The following STON2 variants were observed in gnomAD, a reference collection of about 807,000 sequenced individuals.
STON2 encodes stonin-2.
STON2 carries 29 observed loss-of-function variants against 65.7 expected under a neutral mutation model. The observed-to-expected ratio is 0.44, with a 90% CI of 0.33 to 0.60. The LOEUF (loss-of-function observed/expected upper bound fraction) is 0.60. STON2 is among the 20% of genes least tolerant of loss of function. The pLI, the probability that STON2 is intolerant of heterozygous loss-of-function variation, is 0.03. For missense variants in STON2, 1,054 were observed against 1,118.1 expected (o/e 0.94, Z 0.82); for synonymous variants, 404 against 414.2 (o/e 0.98, Z 0.30).
chr14:81,378,902 G>C (rs1899382690), intron 3 of STON2, among the ~76,000 whole-genome samples: 1 of 152,002 alleles, frequency 6.6e-6, no homozygotes, highest in South Asian at 2.1e-4. Context: ...GTAATTTTTA[G>C]CAAATTAGAA....
intron 4 of STON2, among the ~76,000 whole-genome samples, chr14:81,344,165 A>T (rs1250986479): frequency 6.6e-6 from 1 of 152,214 alleles, no homozygotes; most frequent in African/African-American, 2.4e-5. Context: ...AAAGAAATTT[A>T]AAAATAGTCC....
At chr14:81,321,524 G>A (rs925192222) in intron 5 of STON2, among the ~76,000 whole-genome samples, 2 of 152,154 alleles carry the variant, frequency 1.3e-5, no homozygotes, top group Non-Finnish European at 2.9e-5. Flanking sequence ...GCTATCTCAA[G>A]TCCACAGTTA....
chr14:81,262,375 G>C lies in STON2; in HGVS notation c.*6039C>G, dbSNP rs1323632384. The stretch of plus-strand genomic sequence containing the variant: ...TGGCTGCTAACACAGCACCTGACCA[G>C]AGTAGACATTTGATAAATATTTGTT... On this transcript the variant is annotated 3_prime_UTR_variant, in exon 8 of 8. Transcript: ENST00000614646. 1 of 985,338 alleles carries C rather than the reference G, an allele frequency of 1.0e-6. No homozygotes were observed. The highest frequency in any genetic ancestry group is 1.2e-6 in the Non-Finnish European group (1 of 829,828). The allele number at this position is 985,338 out of a possible 1,614,324, so 61.0% of individuals were successfully genotyped here.
At chr14:81,398,701 C>T (rs1295648023) in intron 1 of STON2, 121 bp from the exon 2 acceptor site, 2 of 226,924 alleles carry the variant, frequency 8.8e-6, no homozygotes, top group African/African-American at 2.3e-5. Context: ...TTCCAACTTG[C>T]CTTACTTCAC....
At chr14:81,307,914 TG>T (rs1566900658) in intron 5 of STON2, among the ~76,000 whole-genome samples, 1 of 152,192 alleles carries the variant, frequency 6.6e-6, no homozygotes, top group South Asian at 2.1e-4. Flanking sequence ...GTTATGTTTT[TG>T]GGGAGTCAAG....
At chr14:81,301,146 A>G (rs1265586326) in intron 5 of STON2, among the ~76,000 whole-genome samples, 3 of 152,206 alleles carry the variant, frequency 2.0e-5, no homozygotes, top group Non-Finnish European at 4.4e-5. Flanking sequence ...AGATATTTTT[A>G]TCCTTCAGCT....
chr14:81,407,686 C>A (rs1005491402), intron 2 of STON2, among the ~76,000 whole-genome samples: 3 of 152,172 alleles, frequency 2.0e-5, no homozygotes, highest in African/African-American at 7.2e-5. Flanking sequence ...CCTCAGTTTT[C>A]TCTTGAATAA....
chr14:81,338,830 G>A (rs572934879), intron 4 of STON2, among the ~76,000 whole-genome samples: 1 of 152,322 alleles, frequency 6.6e-6, no homozygotes, highest in African/African-American at 2.4e-5. Context: ...GAGAGTAAGA[G>A]CGAGAGAAAC....
chr14:81,379,392 G>A (rs1459898445), intron 3 of STON2, among the ~76,000 whole-genome samples: 2 of 152,052 alleles, frequency 1.3e-5, no homozygotes, highest in East Asian at 3.8e-4. Flanking sequence ...AATAAATGGA[G>A]AAAGATATAT....
intron 3 of STON2, among the ~76,000 whole-genome samples, chr14:81,372,306 G>A (rs1186639837): frequency 1.3e-5 from 2 of 151,988 alleles, no homozygotes; most frequent in African/African-American, 2.4e-5. Context: ...GTAATCCCAG[G>A]ACTTTGGAAA....
Position 81,270,399 on chromosome 14 carries a change from T to C in STON2, c.2784+271A>G. 2.9e-6 allele frequency: 4 copies of C among 1,393,836 alleles called. No homozygotes were observed. The South Asian group carries it at 6.9e-5, about 24-fold the overall frequency. The allele number at this position is 1,393,836 out of a possible 1,614,324, so 86.3% of individuals were successfully genotyped here. ...TGTGCCTGGCCCCCATTATTCTTTT[T>C]GTTGTCATTGCTCATAATGACAGAA... On this transcript the variant is annotated intron_variant, in intron 7 of 7. Transcript: ENST00000614646.
intron 4 of STON2, chr14:81,333,405 G>T: frequency 5.1e-6 from 2 of 395,540 alleles, no homozygotes; most frequent in Admixed American, 3.8e-5. Context: ...TATTCTAAGA[G>T]CTTTAAATAC....
intron 3 of STON2, among the ~76,000 whole-genome samples, chr14:81,388,448 T>G (rs1899927094): frequency 6.6e-6 from 1 of 152,194 alleles, no homozygotes; most frequent in Non-Finnish European, 1.5e-5. Context: ...TATGCTTCAG[T>G]GCACAATAAA....
chr14:81,389,596 T>C lies in STON2; in HGVS notation c.373+6298A>G, dbSNP rs144158231. On this transcript the variant is annotated intron_variant, in intron 3 of 7. Transcript: ENST00000614646. ...CACGAGAGGGCCATTTTGTCTAAGCTGGTCACCTAGCCGCCAGCAAACTGG... is the reference window on the plus strand; with the variant it reads ...CACGAGAGGGCCATTTTGTCTAAGCCGGTCACCTAGCCGCCAGCAAACTGG... Among the ~76,000 whole-genome samples, 79 of 152,352 alleles carry C rather than the reference T, an allele frequency of 5.2e-4. 2 individuals carry two copies. The South Asian group carries it at 0.012, about 22-fold the overall frequency.
intron 5 of STON2, among the ~76,000 whole-genome samples, chr14:81,319,497 T>A (rs549267855): frequency 6.6e-6 from 1 of 152,290 alleles, no homozygotes; most frequent in East Asian, 1.9e-4. Context: ...CTGGGTTAGT[T>A]TGCTTTTGGC....
intron 5 of STON2, among the ~76,000 whole-genome samples, chr14:81,302,665 A>G (rs1279202310): frequency 6.6e-6 from 1 of 152,230 alleles, no homozygotes; most frequent in Non-Finnish European, 1.5e-5. Flanking sequence ...ACATCATTTA[A>G]TCATCAGAGA....
chr14:81,410,293 A>G (rs1490173686), intron 2 of STON2, among the ~76,000 whole-genome samples: 1 of 149,668 alleles, frequency 6.7e-6, no homozygotes, highest in Non-Finnish European at 1.5e-5. Context: ...AAAAAAAAAA[A>G]AAAAAAAAAA....
intron 5 of STON2, among the ~76,000 whole-genome samples, chr14:81,321,088 T>C (rs1354068501): frequency 6.6e-6 from 1 of 152,194 alleles, no homozygotes; most frequent in African/African-American, 2.4e-5. Context: ...AATCCACAAC[T>C]ATTTTCCCTG....
At chr14:81,339,031 G>A (rs1897488091) in intron 4 of STON2, among the ~76,000 whole-genome samples, 1 of 151,696 alleles carries the variant, frequency 6.6e-6, no homozygotes, top group Non-Finnish European at 1.5e-5. Context: ...AGTTTGGTTT[G>A]GATGAAGAGG....
Sources: gnomAD v4.1 joint callset for allele counts (sites outside exome capture counted in the v4.1 genomes callset) on GRCh38, gnomAD v4.1.1 for gene constraint, MANE v1.5 for transcripts, NCBI Gene and HGNC (gene_info 2026-07-23, HGNC 2026-07-21) for gene names.